Variants in DPP6 observed in about 807,000 individuals in gnomAD.
DPP6 encodes A-type potassium channel modulatory protein DPP6.
DPP6 carries 69 observed loss-of-function variants against 122.6 expected under a neutral mutation model. The ratio of observed to expected loss-of-function variants is 0.56; its 90% confidence interval spans 0.46 to 0.69. The LOEUF (loss-of-function observed/expected upper bound fraction) is 0.69, where lower values mean the gene tolerates loss of function less well. DPP6 is among the 30% of genes least tolerant of loss of function. DPP6 has a pLI of 0.00. For missense variants in DPP6, 928 were observed against 1,116.9 expected (o/e 0.83, Z 2.41); for synonymous variants, 418 against 433.1 (o/e 0.97, Z 0.43).
the DPP6 span, among the ~76,000 whole-genome samples, chr7:153,801,730 A>G: frequency 6.2e-4 from 95 of 152,330 alleles, no homozygotes; most frequent in African/African-American, 2.2e-3. Flanking sequence ...GAGGACGTGG[A>G]AAACCGTGGA....
chr7:154,399,458 C>T (rs553707615), intron 1 of DPP6, among the ~76,000 whole-genome samples: 9 of 152,274 alleles, frequency 5.9e-5, no homozygotes, highest in East Asian at 3.9e-4. Context: ...CTTACCTACA[C>T]GGTTAACCTC....
intron 8 of DPP6, among the ~76,000 whole-genome samples, chr7:154,759,534 C>T (rs958669159): frequency 3.3e-5 from 5 of 152,248 alleles, no homozygotes; most frequent in Admixed American, 6.5e-5. Flanking sequence ...CTTCCGCTTC[C>T]CTCTCCCTGA....
At chr7:154,636,834 C>A (rs1244214631) in intron 5 of DPP6, among the ~76,000 whole-genome samples, 1 of 152,156 alleles carries the variant, frequency 6.6e-6, no homozygotes, top group East Asian at 1.9e-4. Context: ...AAGTACTCTA[C>A]CTTGGATATG....
the DPP6 span, among the ~76,000 whole-genome samples, chr7:153,805,027 A>G: frequency 2.0e-5 from 3 of 152,206 alleles, no homozygotes; most frequent in Non-Finnish European, 4.4e-5. Context: ...GGATGTGAAG[A>G]CATTTCAGGA....
At chr7:154,487,316 C>T (rs1352979184) in intron 3 of DPP6, among the ~76,000 whole-genome samples, 1 of 152,042 alleles carries the variant, frequency 6.6e-6, no homozygotes, top group Non-Finnish European at 1.5e-5. Flanking sequence ...TTCCAGGGCT[C>T]CAAGGATCTC....
chr7:154,812,798 A>G (rs1438651369), intron 16 of DPP6, among the ~76,000 whole-genome samples: 2 of 152,176 alleles, frequency 1.3e-5, no homozygotes, highest in African/African-American at 2.4e-5. Context: ...GTCCTTTGGC[A>G]TACTGATCTT....
chr7:153,919,842 G>A (rs1800549177), intron 1 of DPP6, among the ~76,000 whole-genome samples: 1 of 152,186 alleles, frequency 6.6e-6, no homozygotes, highest in South Asian at 2.1e-4. Context: ...AAATAGGAGT[G>A]GGGTGGATGT....
intron 1 of DPP6, among the ~76,000 whole-genome samples, chr7:154,405,102 T>G (rs1287418219): frequency 2.0e-5 from 3 of 152,246 alleles, no homozygotes; most frequent in Non-Finnish European, 4.4e-5. Context: ...TATGTGAATT[T>G]TTTTTCATTT....
intron 1 of DPP6, among the ~76,000 whole-genome samples, chr7:154,153,675 C>G (rs1290454544): frequency 6.6e-6 from 1 of 152,236 alleles, no homozygotes; most frequent in Non-Finnish European, 1.5e-5. Flanking sequence ...AATTCTACAT[C>G]AAGGGTCAAA....
rs1193353338 is a variant in DPP6, at chr7:154,028,092, G to GGT, written c.51+140359_51+140360insTG. 2.0e-3 allele frequency among the ~76,000 whole-genome samples: 306 copies of GGT among 151,734 alleles called. 3 individuals are homozygous for GGT. The highest frequency in any genetic ancestry group is 7.3e-3 in the African/African-American group (300 of 41,190). ...CTCCCATGGGCTGCCCAGGTGCCCA[G>GGT]GCGTCCTGGGTCCCCACCCTCGCAT... On this transcript the variant is annotated intron_variant, in intron 1 of 25. Transcript: ENST00000404039.
At chr7:154,527,084 TA>T (rs1827466400) in intron 3 of DPP6, among the ~76,000 whole-genome samples, 1 of 152,258 alleles carries the variant, frequency 6.6e-6, no homozygotes, top group Non-Finnish European at 1.5e-5. Context: ...TCTTGAACTG[TA>T]AATGTTAATA....
At chr7:154,391,714 A>G (rs1459784912) in intron 1 of DPP6, among the ~76,000 whole-genome samples, 3 of 152,162 alleles carry the variant, frequency 2.0e-5, no homozygotes, top group African/African-American at 7.2e-5. Flanking sequence ...ATCAGCAAAG[A>G]TGTTGGTTCT....
chr7:154,666,705 A>T (rs1266438615), intron 6 of DPP6, among the ~76,000 whole-genome samples: 1 of 152,092 alleles, frequency 6.6e-6, no homozygotes. Flanking sequence ...ACTGCTCAAT[A>T]CTATTCAGCC....
chr7:154,637,267 C>T (rs1186688533), intron 5 of DPP6, among the ~76,000 whole-genome samples: 1 of 152,150 alleles, frequency 6.6e-6, no homozygotes, highest in Non-Finnish European at 1.5e-5. Context: ...TCCAACTGCC[C>T]TTTTTTCAGT....
intron 1 of DPP6, among the ~76,000 whole-genome samples, chr7:154,238,148 C>T (rs907787897): frequency 5.9e-5 from 9 of 152,084 alleles, no homozygotes; most frequent in African/African-American, 1.7e-4. Context: ...AGGAAAGCTC[C>T]GAATTGCAAT....
At chr7:154,210,819 G>A (rs1384811364) in intron 1 of DPP6, among the ~76,000 whole-genome samples, 2 of 138,054 alleles carry the variant, frequency 1.4e-5, no homozygotes, top group African/African-American at 4.9e-5. Context: ...CCATTATAGT[G>A]GTAATTGTGC....
At chr7:154,094,457 A>G (rs1196750758) in intron 1 of DPP6, 1 of 152,344 alleles carries the variant, frequency 6.6e-6, no homozygotes, top group Non-Finnish European at 1.5e-5. Flanking sequence ...GTTTCTGCTC[A>G]TGTTATCTGG....
At chr7:154,251,402 G>A (rs1802342462) in intron 1 of DPP6, among the ~76,000 whole-genome samples, 1 of 152,340 alleles carries the variant, frequency 6.6e-6, no homozygotes, top group African/African-American at 2.4e-5. Context: ...AGTCAACAAG[G>A]CTGTGCAGGT....
At chr7:154,651,771 A>T (rs940889072) in intron 6 of DPP6, among the ~76,000 whole-genome samples, 3 of 152,188 alleles carry the variant, frequency 2.0e-5, no homozygotes, top group Non-Finnish European at 4.4e-5. Flanking sequence ...CTAAACTGAA[A>T]GTCACAAAGG....
Sources: gnomAD v4.1 joint callset for allele counts (sites outside exome capture counted in the v4.1 genomes callset) on GRCh38, gnomAD v4.1.1 for gene constraint, MANE v1.5 for transcripts, NCBI Gene and HGNC (gene_info 2026-07-23, HGNC 2026-07-21) for gene names.